The following KLHL25 variants were observed in gnomAD, a reference collection of about 807,000 sequenced individuals.
KLHL25 encodes the protein kelch-like protein 25.
KLHL25 carries 41 observed loss-of-function variants against 30.0 expected under a neutral mutation model. The ratio of observed to expected loss-of-function variants is 1.37; its 90% confidence interval spans 1.07 to 1.78. KLHL25 has a LOEUF of 1.78. Among genes scored for constraint, KLHL25 ranks in the 40% most tolerant of loss-of-function variants. The pLI is 0.00. For missense variants in KLHL25, 971 were observed against 824.5 expected, an observed-to-expected ratio of 1.18 and a Z score of -2.18; for synonymous variants, 399 against 355.3, an observed-to-expected ratio of 1.12 and a Z score of -1.38.
intron 2 of KLHL25, chr15:85,761,983 C>T (rs767831228): frequency 6.6e-6 from 1 of 152,254 alleles, no homozygotes; most frequent in Admixed American, 6.5e-5. Flanking sequence ...TGAGGCTCCA[C>T]GGCTGTCCCC....
chr15:85,774,622 G>T (rs1185695024), intron 1 of KLHL25, among the ~76,000 whole-genome samples: 1 of 152,140 alleles, frequency 6.6e-6, no homozygotes, highest in South Asian at 2.1e-4. Context: ...GCCTGACTTA[G>T]TATGGCTACA....
intron 1 of KLHL25, among the ~76,000 whole-genome samples, chr15:85,773,657 G>C (rs1244861007): frequency 6.6e-6 from 1 of 152,148 alleles, no homozygotes; most frequent in African/African-American, 2.4e-5. Flanking sequence ...CTACACCCAG[G>C]ACAGACCAGT....
intron 1 of KLHL25, among the ~76,000 whole-genome samples, chr15:85,790,334 C>T (rs1417697320): frequency 6.6e-6 from 1 of 152,120 alleles, no homozygotes; most frequent in African/African-American, 2.4e-5. Flanking sequence ...GTGATCCGCC[C>T]ACCTCGGCCT....
intron 1 of KLHL25, among the ~76,000 whole-genome samples, chr15:85,773,985 G>C (rs1037497414): frequency 1.3e-5 from 2 of 152,162 alleles, no homozygotes; most frequent in African/African-American, 4.8e-5. Flanking sequence ...CCAGAAGAAT[G>C]GTTGTGTGTG....
intron 1 of KLHL25, among the ~76,000 whole-genome samples, chr15:85,781,333 T>G (rs1250533758): frequency 2.6e-5 from 4 of 152,260 alleles, no homozygotes; most frequent in African/African-American, 9.6e-5. Flanking sequence ...ATCGGTTCAC[T>G]GAGTTATGCA....
Position 85,768,473 on chromosome 15 carries a change from G to C in KLHL25, c.1338C>G (p.Leu446=). The C allele has an allele frequency of 6.2e-7, 1 of 1,613,618 alleles. No individual in the cohort carries two copies. The highest frequency in any genetic ancestry group is 8.5e-7 in the Non-Finnish European group (1 of 1,179,936). ...NAAVVSAKLK[L]FVFGGTSIHR... ...GGATGCTGGTTCCTCCGAAAACAAA[G>C]AGCTTCAGCTTGGCACTCACCACTG... is the stretch of plus-strand genomic sequence containing the variant. Residue 446 remains leucine, a synonymous_variant, in exon 2 of 3, where the codon CTC becomes CTG. Coordinates refer to ENST00000337975, the MANE Select transcript of KLHL25 (RefSeq NM_022480.4).
intron 1 of KLHL25, among the ~76,000 whole-genome samples, chr15:85,774,934 T>C (rs1311177363): frequency 1.3e-5 from 2 of 149,938 alleles, no homozygotes; most frequent in East Asian, 3.9e-4. Context: ...TGGAGTGCAA[T>C]GGCGCGATCT....
rs140451453 is a variant in KLHL25, at chr15:85,791,993, G to C, written c.-11+2773C>G. On this transcript the variant is annotated intron_variant, in intron 1 of 2. Coordinates refer to ENST00000337975, the MANE Select transcript of KLHL25 (RefSeq NM_022480.4). ...CTTCGCTTCCCCACCTAATCCCACA[G>C]CACCCCTTCCCCAGTTTCTAACAGC... Among the ~76,000 whole-genome samples, 31 of 152,218 alleles carry C rather than the reference G, an allele frequency of 2.0e-4. No homozygotes were observed. In the East Asian group the frequency reaches 5.6e-3, roughly 27 times the overall value.
intron 1 of KLHL25, among the ~76,000 whole-genome samples, chr15:85,778,788 C>G (rs1225357475): frequency 6.6e-6 from 1 of 152,222 alleles, no homozygotes; most frequent in Non-Finnish European, 1.5e-5. Flanking sequence ...GGACACTGTC[C>G]TCTCCGTCTA....
intron 1 of KLHL25, chr15:85,770,455 C>T (rs1233002156): frequency 1.9e-6 from 1 of 528,928 alleles, no homozygotes; most frequent in Non-Finnish European, 3.9e-6. Context: ...GGCCGGGCTC[C>T]AAGCGGTACT....
intron 1 of KLHL25, among the ~76,000 whole-genome samples, chr15:85,785,379 C>CA (rs1177351129): frequency 6.6e-6 from 1 of 152,168 alleles, no homozygotes; most frequent in East Asian, 1.9e-4. Flanking sequence ...AGGCATGAGC[C>CA]ACCACGCCCG....
At chr15:85,788,011 G>A (rs1175005986) in intron 1 of KLHL25, among the ~76,000 whole-genome samples, 5 of 136,270 alleles carry the variant, frequency 3.7e-5, no homozygotes, top group Non-Finnish European at 6.1e-5. Context: ...AGCTGAGATC[G>A]CGCCACCGCA....
intron 2 of KLHL25, chr15:85,761,616 T>C (rs2089583648): frequency 6.9e-6 from 1 of 145,690 alleles, no homozygotes; most frequent in Non-Finnish European, 1.5e-5. Context: ...TTGCAGCCTA[T>C]CATGGGACTT....
At position 85,769,663 on chromosome 15, in the gene KLHL25, G is replaced by C; in HGVS notation, c.148C>G (p.Leu50Val). The C allele has an allele frequency of 1.9e-6, 3 of 1,613,770 alleles. No individual in the cohort carries two copies. Among genetic ancestry groups the C allele is most frequent in the Non-Finnish European group, 2.5e-6 (3 of 1,180,046 alleles). Residue 50 changes from leucine to valine, a missense_variant, in exon 2 of 3, where the codon CTC (leucine) becomes GTC (valine). By Grantham distance (32) the Leu-to-Val change is conservative (BLOSUM62 1). Coordinates refer to ENST00000337975, the MANE Select transcript of KLHL25 (RefSeq NM_022480.4). ...RKHCMFTDVT[L>V]WAGDRAFPCH... ...GGGAAGGCACGGTCGCCCGCCCAGAGTGTGACGTCGGTGAACATGCAGTGC... is the reference window on the plus strand; with the variant it reads ...GGGAAGGCACGGTCGCCCGCCCAGACTGTGACGTCGGTGAACATGCAGTGC...
At chr15:85,785,656 G>C (rs2089776274) in intron 1 of KLHL25, among the ~76,000 whole-genome samples, 1 of 151,904 alleles carries the variant, frequency 6.6e-6, no homozygotes, top group Non-Finnish European at 1.5e-5. Flanking sequence ...GTGTCCACAT[G>C]CAAACGTGTC....
chr15:85,788,919 T>C (rs1410279765), intron 1 of KLHL25, among the ~76,000 whole-genome samples: 4 of 152,150 alleles, frequency 2.6e-5, no homozygotes, highest in African/African-American at 7.2e-5. Context: ...GGAATCGCCA[T>C]GGTTTTCTAG....
At chr15:85,765,429 C>T (rs1016382563) in intron 2 of KLHL25, among the ~76,000 whole-genome samples, 22 of 151,848 alleles carry the variant, frequency 1.4e-4, no homozygotes, top group African/African-American at 4.8e-4. Context: ...AGTTTGAGAC[C>T]AGCCTGGCCA....
Position 85,769,366 on chromosome 15 carries a change from A to G in KLHL25, c.445T>C (p.Cys149Arg). Residue 149 changes from cysteine (C) to arginine (R), a missense_variant, in exon 2 of 3, where the codon TGC (cysteine) becomes CGC (arginine). Transcript: ENST00000337975. ...TCCGAGAGCAGCATCATGCCCAGGC[A>G]GTTGGAGGGGAAAAGGTTCTTCTCC... ...FLEKNLFPSNCLGMMLLSDAH... is the reference protein window; with the variant it reads ...FLEKNLFPSNRLGMMLLSDAH... 1 of 1,614,146 alleles carries G rather than the reference A, an allele frequency of 6.2e-7. No homozygotes were observed. The highest frequency in any genetic ancestry group is 1.1e-5 in the South Asian group (1 of 91,088).
chr15:85,784,976 G>C (rs1004052133), intron 1 of KLHL25, among the ~76,000 whole-genome samples: 1 of 152,092 alleles, frequency 6.6e-6, no homozygotes, highest in Non-Finnish European at 1.5e-5. Flanking sequence ...ATAATGTATA[G>C]ACATTAAAAA....
Sources: allele counts gnomAD v4.1 joint callset (sites outside exome capture counted in the v4.1 genomes callset), GRCh38; gene constraint gnomAD v4.1.1; transcripts MANE v1.5; gene names NCBI Gene and HGNC (gene_info 2026-07-23, HGNC 2026-07-21).